The following ARHGAP39 variants were observed in gnomAD, a reference collection of about 807,000 sequenced individuals.
The protein encoded by ARHGAP39 is Rho GTPase activating protein 39.
ARHGAP39 carries 44 observed loss-of-function variants against 106.9 expected under a neutral mutation model. That is an observed-to-expected ratio of 0.41 (90% CI 0.32 to 0.53). ARHGAP39 has a LOEUF of 0.53. ARHGAP39 is among the 20% of genes least tolerant of loss of function. ARHGAP39 has a pLI of 0.21. For missense variants in ARHGAP39, 1,496 were observed against 1,577.3 expected (o/e 0.95, Z 0.87); for synonymous variants, 768 against 693.2 (o/e 1.11, Z -1.69).
Position 144,545,496 on chromosome 8 carries a change from C to T in ARHGAP39, c.2274G>A (p.Arg758=), listed in dbSNP as rs754340023. ...KLIQMYMGDR[R]AKADPLHVAL... is the part of the protein sequence containing the mutation. ...CCACGTGCAGTGGGTCGGCCTTGGC[C>T]CGCCGGTCACCCATGTACATCTGGA... Residue 758 remains arginine, a synonymous_variant, in exon 6 of 12, where the codon CGG becomes CGA. Coordinates refer to ENST00000377307, the MANE Select transcript of ARHGAP39 (RefSeq NM_025251.3). 1.2e-6 allele frequency: 2 copies of T among 1,607,588 alleles called. No homozygotes were observed. Among genetic ancestry groups the T allele is most frequent in the African/African-American group, 1.3e-5 (1 of 74,824 alleles).
chr8:144,539,111 T>C lies in ARHGAP39; in HGVS notation c.2522-1298A>G, dbSNP rs897562698. ...TGGATCGTTTTAATGGAAAATGGTA[T>C]TTAGAAACCAAGATCTGGGTGTGCG... On this transcript the variant is annotated intron_variant, in intron 6 of 11. Coordinates refer to ENST00000377307, the MANE Select transcript of ARHGAP39 (RefSeq NM_025251.3). Among the ~76,000 whole-genome samples the C allele has an allele frequency of 3.9e-5, 6 of 152,248 alleles. No individual in the cohort carries two copies. The South Asian group carries it at 1.0e-3, about 26-fold the overall frequency.
At chr8:144,667,023 G>T (rs1586647200) in intron 1 of ARHGAP39, among the ~76,000 whole-genome samples, 2 of 152,318 alleles carry the variant, frequency 1.3e-5, no homozygotes, top group South Asian at 4.1e-4. Flanking sequence ...TTCTGCTACA[G>T]ATTAATTTTT....
chr8:144,640,927 T>C (rs936250732), intron 1 of ARHGAP39, among the ~76,000 whole-genome samples: 3 of 152,240 alleles, frequency 2.0e-5, no homozygotes, highest in Admixed American at 2.0e-4. Flanking sequence ...AATGCTCTGT[T>C]CTAGTTGCTT....
intron 6 of ARHGAP39, among the ~76,000 whole-genome samples, chr8:144,544,344 G>T (rs913655923): frequency 2.0e-5 from 3 of 152,240 alleles, no homozygotes; most frequent in African/African-American, 7.2e-5. Context: ...CCTGGGCTGG[G>T]GGTAATAGGG....
intron 3 of ARHGAP39, among the ~76,000 whole-genome samples, chr8:144,572,323 C>A (rs1207946617): frequency 2.0e-5 from 3 of 152,176 alleles, no homozygotes; most frequent in African/African-American, 7.2e-5. Flanking sequence ...AATAACACCA[C>A]ACATTTACAA....
At chr8:144,622,565 C>T (rs1175128980) in intron 1 of ARHGAP39, among the ~76,000 whole-genome samples, 3 of 152,068 alleles carry the variant, frequency 2.0e-5, no homozygotes, top group Admixed American at 1.3e-4. Flanking sequence ...GCCTCAGGTG[C>T]GAGCCCAGCC....
chr8:144,608,802 ATTAG>A (rs992568912), intron 1 of ARHGAP39, among the ~76,000 whole-genome samples: 3 of 152,328 alleles, frequency 2.0e-5, no homozygotes, highest in African/African-American at 4.8e-5. Context: ...TCTTGCACAT[ATTAG>A]TTAAGTCACC....
chr8:144,584,025 A>G (rs1172686877), intron 2 of ARHGAP39: 3 of 152,384 alleles, frequency 2.0e-5, no homozygotes, highest in Admixed American at 6.5e-5. Flanking sequence ...AATGACAAGG[A>G]AGGACTGTCA....
rs905102389 is a variant in ARHGAP39 at position 144,641,652 on chromosome 8, T to C, written c.-81-35957A>G. ...GTCGGCCTCCGCCAAAAGCAGAGCC[T>C]GAGACGAGGATGTGGCTTCATGGGC... On this transcript the variant is annotated intron_variant, in intron 1 of 11. Transcript: ENST00000377307. This position sits in a 1 kb window ranked among gnomAD's most constrained non-coding sequence, Gnocchi z 5.2. Among the ~76,000 whole-genome samples the C allele has an allele frequency of 2.0e-5, 3 of 152,240 alleles. No homozygotes were observed. The highest frequency in any genetic ancestry group is 7.2e-5 in the African/African-American group (3 of 41,476).
intron 1 of ARHGAP39, among the ~76,000 whole-genome samples, chr8:144,623,847 T>C (rs1279995418): frequency 6.6e-6 from 1 of 152,156 alleles, no homozygotes; most frequent in Non-Finnish European, 1.5e-5. Context: ...ACTGGGCAAG[T>C]AAGCACACAG....
chr8:144,650,537 C>T lies in ARHGAP39; in HGVS notation c.-82+35149G>A, dbSNP rs1821548110. On this transcript the variant is annotated intron_variant, in intron 1 of 11. Coordinates refer to ENST00000377307, the MANE Select transcript of ARHGAP39 (RefSeq NM_025251.3). ...TACTTGCAAACTGAATCCAGCAGCA[C>T]ATCAGAAAACTAATCCACCACAATC... 6.6e-5 allele frequency among the ~76,000 whole-genome samples: 10 copies of T among 152,230 alleles called. No individual in the cohort carries two copies. In the South Asian group the frequency reaches 1.9e-3, roughly 28 times the overall value.
intron 1 of ARHGAP39, among the ~76,000 whole-genome samples, chr8:144,675,633 T>C (rs1018346461): frequency 1.3e-5 from 2 of 148,378 alleles, no homozygotes; most frequent in African/African-American, 5.0e-5. Flanking sequence ...AGGCAGTGCA[T>C]CTGGAGTTGT....
chr8:144,588,893 C>T (rs531186311), intron 2 of ARHGAP39, among the ~76,000 whole-genome samples: 5 of 152,354 alleles, frequency 3.3e-5, no homozygotes, highest in Non-Finnish European at 5.9e-5. Context: ...AGGCGAGGGG[C>T]GTGTCACGCA....
chr8:144,671,421 G>T lies in ARHGAP39; in HGVS notation c.-82+14265C>A, dbSNP rs557138965. Among the ~76,000 whole-genome samples the T allele has an allele frequency of 2.0e-5, 3 of 152,202 alleles. No individual in the cohort carries two copies. Among genetic ancestry groups the T allele is most frequent in the Non-Finnish European group, 2.9e-5 (2 of 68,038 alleles). On this transcript the variant is annotated intron_variant, in intron 1 of 11. Coordinates refer to ENST00000377307, the MANE Select transcript of ARHGAP39 (RefSeq NM_025251.3). This position sits in a 1 kb window ranked among gnomAD's most constrained non-coding sequence, Gnocchi z 4.5. ...ACTCTTCCTAACTGCATGCTGACTC[G>T]GAAGGTGGGGCTCAAGCTGAGAAGT...
At chr8:144,569,152 T>C (rs1330290893) in intron 3 of ARHGAP39, among the ~76,000 whole-genome samples, 5 of 152,228 alleles carry the variant, frequency 3.3e-5, no homozygotes, top group African/African-American at 4.8e-5. Context: ...CAAATTAATA[T>C]TGGAGTGCCA....
At chr8:144,593,795 G>C (rs1563693122) in intron 2 of ARHGAP39, among the ~76,000 whole-genome samples, 1 of 151,524 alleles carries the variant, frequency 6.6e-6, no homozygotes, top group East Asian at 1.9e-4. Flanking sequence ...GTCTCGAAAA[G>C]AAAAAAAAGA....
intron 1 of ARHGAP39, among the ~76,000 whole-genome samples, chr8:144,663,843 T>C (rs1053005750): frequency 2.0e-5 from 3 of 152,134 alleles, no homozygotes; most frequent in African/African-American, 7.2e-5. Flanking sequence ...AACTTCAAGA[T>C]AGGTGCAGAA....
At position 144,599,490 on chromosome 8, in the gene ARHGAP39, G is replaced by A. The variant is rs1004091751; in HGVS notation, c.80+6045C>T. ...TTTATTCTTCACAATAGAAACCCAGGAGATAAACAGAAAACAAGAGAGTTT... is the reference window on the plus strand; with the variant it reads ...TTTATTCTTCACAATAGAAACCCAGAAGATAAACAGAAAACAAGAGAGTTT... On this transcript the variant is annotated intron_variant, in intron 2 of 11. Transcript: ENST00000377307. 3.9e-5 allele frequency among the ~76,000 whole-genome samples: 6 copies of A among 152,192 alleles called. No homozygotes were observed. The South Asian group carries it at 8.3e-4, about 21-fold the overall frequency.
chr8:144,537,856 C>T (rs1261239901), intron 6 of ARHGAP39, 43 bp from the exon 7 acceptor site: 1 of 1,578,810 alleles, frequency 6.3e-7, no homozygotes, highest in African/African-American at 1.4e-5. Context: ...AACAAAACGC[C>T]AGGAGCCAGC....
Sources: allele counts gnomAD v4.1 joint callset (sites outside exome capture counted in the v4.1 genomes callset), GRCh38; gene constraint gnomAD v4.1.1; non-coding constraint Gnocchi (gnomAD v3.1); transcripts MANE v1.5; gene names NCBI Gene and HGNC (gene_info 2026-07-23, HGNC 2026-07-21).